KDM6A: variants seen among roughly 807,000 people sequenced by gnomAD.
The protein encoded by KDM6A is lysine demethylase 6A, also known as lysine-specific demethylase 6A.
KDM6A carries 11 observed loss-of-function variants against 117.6 expected under a neutral mutation model. The ratio of observed to expected loss-of-function variants is 0.09; its 90% confidence interval spans 0.06 to 0.15. The LOEUF (loss-of-function observed/expected upper bound fraction) is 0.15. Among genes scored for constraint, KDM6A ranks in the 10% least tolerant of loss-of-function variants. The pLI is 1.00. For synonymous variants in KDM6A, 384 were observed against 396.1 expected (o/e 0.97, Z 0.36); for missense variants, 799 against 1,077.3 (o/e 0.74, Z 3.62).
At chrX:45,034,098 G>T (rs1414412450) in intron 6 of KDM6A, among the ~76,000 whole-genome samples, 1 of 110,905 alleles carries the variant, frequency 9.0e-6, no homozygotes, top group African/African-American at 3.3e-5. Context: ...ATATTATTTA[G>T]AAGAGTTTAA....
At chrX:45,080,424 A>G (rs756454340) in intron 21 of KDM6A, among the ~76,000 whole-genome samples, 5 of 112,293 alleles carry the variant, frequency 4.5e-5, no homozygotes, top group Middle Eastern at 4.6e-3. Flanking sequence ...ATTCTCTTAC[A>G]AAGTGAACAT....
chrX:45,068,786 T>TTCCTTC (rs2044667818), intron 17 of KDM6A, among the ~76,000 whole-genome samples: 3 of 85,441 alleles, frequency 3.5e-5, no homozygotes. Context: ...CTCCTCTCTC[T>TTCCTTC]TCTTTCTCTT....
At chrX:44,903,078 A>G (rs957891664) in intron 2 of KDM6A, among the ~76,000 whole-genome samples, 1 of 112,033 alleles carries the variant, frequency 8.9e-6, no homozygotes, top group African/African-American at 3.2e-5. Context: ...ATTGCACCTG[A>G]GAATTACTTT....
chrX:44,924,472 G>C lies in KDM6A; in HGVS notation c.226-36812G>C, dbSNP rs777085557. Among the ~76,000 whole-genome samples the C allele has an allele frequency of 2.7e-5, 3 of 112,247 alleles. No individual in the cohort carries two copies. In the East Asian group the frequency reaches 8.4e-4, roughly 31 times the overall value. The stretch of plus-strand genomic sequence containing the variant: ...TTAATTATACAAGCCTCTGGGAATA[G>C]AGCAACCTTTAGTCTTGGGCTAATG... On this transcript the variant is annotated intron_variant, in intron 2 of 29. Coordinates refer to ENST00000611820, the MANE Select transcript of KDM6A (RefSeq NM_001291415.2).
intron 2 of KDM6A, among the ~76,000 whole-genome samples, chrX:44,919,424 T>C (rs2035764271): frequency 9.0e-6 from 1 of 110,704 alleles, no homozygotes; most frequent in Non-Finnish European, 1.9e-5. Context: ...AGACTGGGGT[T>C]GCGAGTTTTT....
At chrX:44,935,154 G>A (rs1193155789) in intron 2 of KDM6A, among the ~76,000 whole-genome samples, 1 of 111,691 alleles carries the variant, frequency 9.0e-6, no homozygotes, top group African/African-American at 3.3e-5. Flanking sequence ...AGAGGGTGAT[G>A]TTATAGTGAA....
At chrX:44,905,190 A>G (rs1226640075) in intron 2 of KDM6A, among the ~76,000 whole-genome samples, 9 of 112,359 alleles carry the variant, frequency 8.0e-5, no homozygotes, top group African/African-American at 2.9e-4. Flanking sequence ...TACTACATAC[A>G]TTAACAGTGT....
chrX:45,089,988 A>G, intron 26 of KDM6A, 58 bp downstream of exon 26: 3 of 968,034 alleles, frequency 3.1e-6, no homozygotes, highest in Non-Finnish European at 4.3e-6. Context: ...ATCCAATAGG[A>G]CTGTTCCTTT....
At chrX:45,059,979 A>G (rs765966693) in intron 12 of KDM6A, 43 bp from the exon 13 acceptor site, 1 of 1,191,754 alleles carries the variant, frequency 8.4e-7, no homozygotes, top group Non-Finnish European at 1.1e-6. Flanking sequence ...CTCTTACTCA[A>G]GTAGGCTTGT....
intron 2 of KDM6A, among the ~76,000 whole-genome samples, chrX:44,890,467 T>G (rs1356994052): frequency 9.0e-6 from 1 of 110,655 alleles, no homozygotes; most frequent in Non-Finnish European, 1.9e-5. Flanking sequence ...TCAAACTGTT[T>G]CCCGGAGCTG....
At chrX:45,097,451 G>A (rs371197587) in intron 27 of KDM6A, among the ~76,000 whole-genome samples, 2 of 111,136 alleles carry the variant, frequency 1.8e-5, no homozygotes, top group Non-Finnish European at 3.8e-5. Flanking sequence ...TCCTGGGAAC[G>A]AACATATTAG....
At chrX:45,041,000 A>AC (rs2043137585) in intron 8 of KDM6A, among the ~76,000 whole-genome samples, 2 of 44,658 alleles carry the variant, frequency 4.5e-5, no homozygotes, top group African/African-American at 9.4e-5. Context: ...CGGGGGGCTG[A>AC]CCCCCCCACC....
intron 2 of KDM6A, among the ~76,000 whole-genome samples, chrX:44,913,149 C>T (rs973600074): frequency 1.8e-5 from 2 of 111,660 alleles, no homozygotes; most frequent in East Asian, 2.8e-4. Flanking sequence ...ATGGAGATGA[C>T]GATGATGAAG....
At chrX:45,096,135 GAAATA>G (rs1251325685) in intron 27 of KDM6A, among the ~76,000 whole-genome samples, 1 of 111,510 alleles carries the variant, frequency 9.0e-6, no homozygotes, top group Non-Finnish European at 1.9e-5. Flanking sequence ...TAAATGAAAT[GAAATA>G]GAGAAGATAT....
At chrX:45,104,643 T>C (rs904642478) in intron 27 of KDM6A, among the ~76,000 whole-genome samples, 20 of 111,496 alleles carry the variant, frequency 1.8e-4, no homozygotes, top group Admixed American at 5.8e-4. Context: ...TAAGAGCCTC[T>C]CTCTCTCTAA....
intron 27 of KDM6A, among the ~76,000 whole-genome samples, chrX:45,100,706 A>G (rs1337190205): frequency 9.0e-6 from 1 of 111,426 alleles, no homozygotes; most frequent in Non-Finnish European, 1.9e-5. Context: ...ATGTTTGAAA[A>G]TAAATTCTCT....
rs774649539 is a variant in KDM6A at position 45,086,014 on chromosome X, A to G, written c.3704+35A>G. 5.8e-6 allele frequency: 5 copies of G among 867,339 alleles called. No homozygotes were observed. The Admixed American group carries it at 8.8e-5, about 15-fold the overall frequency. The allele number at this position is 867,339 out of a possible 1,213,427, so 71.5% of individuals were successfully genotyped here. A position where few individuals can be genotyped will look rare whatever the true frequency, so the allele number is the denominator to read the frequency against. The stretch of plus-strand genomic sequence containing the variant: ...CAAAGTAAATTTTCTTAAAACATAT[A>G]TTAGAAAGCAGTAATTGTAAACGAC... On this transcript the variant is annotated intron_variant, in intron 25 of 29. Transcript: ENST00000611820.
At chrX:44,990,553 C>CATA (rs1556036474) in intron 4 of KDM6A, among the ~76,000 whole-genome samples, 2 of 93,833 alleles carry the variant, frequency 2.1e-5, no homozygotes, top group African/African-American at 7.9e-5. Context: ...TGTCTCAAAA[C>CATA]ATAAATAAAT....
chrX:44,927,495 C>G (rs919371071), intron 2 of KDM6A, among the ~76,000 whole-genome samples: 1 of 110,764 alleles, frequency 9.0e-6, no homozygotes, highest in African/African-American at 3.3e-5. Flanking sequence ...CATAGTAGAC[C>G]TTGATAAGCT....
Sources: allele counts gnomAD v4.1 joint callset (sites outside exome capture counted in the v4.1 genomes callset), GRCh38; gene constraint gnomAD v4.1.1; transcripts MANE v1.5; gene names NCBI Gene and HGNC (gene_info 2026-07-23, HGNC 2026-07-21).